Variants in TIA1 observed in about 807,000 individuals in gnomAD.
TIA1 encodes TIA1 cytotoxic granule associated RNA binding protein, also known as cytotoxic granule associated RNA binding protein TIA1.
In TIA1, 23 loss-of-function variants were observed where a neutral mutation model predicts 65.9. The ratio of observed to expected loss-of-function variants is 0.35; its 90% CI spans 0.25 to 0.49. The LOEUF is 0.49. TIA1 is among the 20% of genes least tolerant of loss of function. The pLI is 0.98. For synonymous variants in TIA1, 147 were observed against 149.4 expected (o/e 0.98, Z 0.12); for missense variants, 371 against 477.9 (o/e 0.78, Z 2.09).
Position 70,221,311 on chromosome 2 carries a change from T to A in TIA1, c.474+3243A>T, listed in dbSNP as rs1018521678. Among the ~76,000 whole-genome samples the A allele has an allele frequency of 9.3e-5, 14 of 151,138 alleles. No individual in the cohort carries two copies. In the East Asian group the frequency reaches 2.0e-3, roughly 21 times the overall value. ...TGAGCCACCATGCCTGGCCTTTTTT[T>A]AAAAAAAAATTAGGTGGGCATGGTG... On this transcript the variant is annotated intron_variant, in intron 7 of 12. Coordinates refer to ENST00000433529, the MANE Select transcript of TIA1 (RefSeq NM_022173.4).
At chr2:70,223,028 C>G (rs1325085506) in intron 7 of TIA1, among the ~76,000 whole-genome samples, 1 of 152,216 alleles carries the variant, frequency 6.6e-6, no homozygotes, top group African/African-American at 2.4e-5. Flanking sequence ...AAGAGACATC[C>G]TTTGCTATTT....
intron 1 of TIA1, among the ~76,000 whole-genome samples, chr2:70,236,851 C>T (rs1689212606): frequency 6.6e-6 from 1 of 152,160 alleles, no homozygotes; most frequent in Admixed American, 6.5e-5. Context: ...TGGTCTCAAA[C>T]TCCTGGGTTC....
At chr2:70,236,782 A>G (rs1299028947) in intron 1 of TIA1, among the ~76,000 whole-genome samples, 1 of 151,998 alleles carries the variant, frequency 6.6e-6, no homozygotes, top group African/African-American at 2.4e-5. Context: ...GTGTGCCATC[A>G]TATCTGGCTA....
rs199977940 is a variant in TIA1 at position 70,245,914 on chromosome 2, A to ATTTTTT, written c.26+2485_26+2490dup. ...AATTCACTGCTTGAAATTCTACCAG[A>ATTTTTT]TTTTTTTTTTTTTTTTTTTTTTTTT... On this transcript the variant is annotated intron_variant, in intron 1 of 12. Transcript: ENST00000433529. 4.8e-5 allele frequency among the ~76,000 whole-genome samples: 6 copies of ATTTTTT among 124,760 alleles called. 1 individual carries two copies. Among genetic ancestry groups the ATTTTTT allele is most frequent in the Admixed American group, 3.8e-4 (4 of 10,644 alleles). 81.8% of individuals were successfully genotyped at this position (124,760 alleles called of 152,430 possible).
intron 10 of TIA1, among the ~76,000 whole-genome samples, chr2:70,215,928 G>GT (rs1678427669): frequency 6.6e-6 from 1 of 151,946 alleles, no homozygotes; most frequent in Non-Finnish European, 1.5e-5. Context: ...TTATATTTTT[G>GT]TATTTTTAGT....
intron 1 of TIA1, 52 bp downstream of exon 1, chr2:70,248,353 T>C: frequency 6.3e-7 from 1 of 1,585,846 alleles, no homozygotes; most frequent in Non-Finnish European, 8.5e-7. Context: ...GCCGAGGCCT[T>C]CCCTCCGGGA....
In TIA1 at chr2:70,236,191, A is replaced by G. The variant is rs751192854; in HGVS notation, c.27-16T>C. ...ACCGACGTATCTGAAACACAAAGAG[A>G]AACAATTTACCTTTTTTTTTTTTTG... On this transcript the variant is annotated splice_polypyrimidine_tract_variant and intron_variant, in intron 1 of 12. Transcript: ENST00000433529. The G allele has an allele frequency of 1.3e-6, 2 of 1,536,096 alleles. No homozygotes were observed. The highest frequency in any genetic ancestry group is 1.8e-6 in the Non-Finnish European group (2 of 1,119,810).
At chr2:70,230,535 C>T (rs1685772078) in intron 3 of TIA1, among the ~76,000 whole-genome samples, 1 of 151,530 alleles carries the variant, frequency 6.6e-6, no homozygotes, top group African/African-American at 2.4e-5. Context: ...TCCTGTAATC[C>T]CAGCTACTAG....
chr2:70,242,781 T>C (rs1573817122), intron 1 of TIA1, among the ~76,000 whole-genome samples: 1 of 152,010 alleles, frequency 6.6e-6, no homozygotes. Flanking sequence ...TCAGCAGCAT[T>C]TGTGAACTGG....
At chr2:70,230,939 A>C in intron 2 of TIA1, 85 bp from the exon 3 acceptor site, 1 of 970,284 alleles carries the variant, frequency 1.0e-6, no homozygotes. Flanking sequence ...ATCTTAAACC[A>C]AGTTTTATAC....
At chr2:70,224,255 T>C (rs1315344188) in intron 7 of TIA1, among the ~76,000 whole-genome samples, 1 of 152,216 alleles carries the variant, frequency 6.6e-6, no homozygotes, top group Non-Finnish European at 1.5e-5. Flanking sequence ...TAAACTACCA[T>C]GGGAATATAA....
At chr2:70,218,802 T>C (rs1454361221) in intron 7 of TIA1, among the ~76,000 whole-genome samples, 1 of 152,250 alleles carries the variant, frequency 6.6e-6, no homozygotes, top group Non-Finnish European at 1.5e-5. Context: ...AAAGATACTT[T>C]ATGAAACTTG....
chr2:70,214,607 G>A, intron 11 of TIA1, 113 bp from the exon 12 acceptor site: 5 of 563,992 alleles, frequency 8.9e-6, no homozygotes, highest in South Asian at 6.3e-5. Context: ...CAATTAAAAT[G>A]ACAGGATAAA....
At chr2:70,245,508 T>C (rs1004316203) in intron 1 of TIA1, among the ~76,000 whole-genome samples, 1 of 152,210 alleles carries the variant, frequency 6.6e-6, no homozygotes, top group African/African-American at 2.4e-5. Context: ...AGTTCACAAG[T>C]TGAATATTTT....
rs151236999 is a variant in TIA1 at position 70,221,935 on chromosome 2, G to A, written c.474+2619C>T. 2.2e-3 allele frequency among the ~76,000 whole-genome samples: 342 copies of A among 152,068 alleles called. 2 individuals are homozygous for A. The highest frequency in any genetic ancestry group is 7.8e-3 in the African/African-American group (322 of 41,476). On this transcript the variant is annotated intron_variant, in intron 7 of 12. Coordinates refer to ENST00000433529, the MANE Select transcript of TIA1 (RefSeq NM_022173.4). ...CTCAAGTAACTGGGACTACAGGTGTGTGCCACCATGCCTGGCTCATTTTTT... is the reference window on the plus strand; with the variant it reads ...CTCAAGTAACTGGGACTACAGGTGTATGCCACCATGCCTGGCTCATTTTTT...
At position 70,215,500 on chromosome 2, in the gene TIA1, G is replaced by GA. The variant is rs1678174791; in HGVS notation, c.765-7dup. Reference sequence around the variant, plus strand: ...CACTTTCATGGGAATTGAACCTATTGAAAACAATATTAAGAATCACCAATA... The same window carrying GA: ...CACTTTCATGGGAATTGAACCTATTGAAAAACAATATTAAGAATCACCAATA... On this transcript the variant is annotated splice_region_variant and splice_polypyrimidine_tract_variant and intron_variant, in intron 10 of 12. Transcript: ENST00000433529. 1.2e-6 allele frequency: 2 copies of GA among 1,604,386 alleles called. No individual in the cohort carries two copies. Among genetic ancestry groups the GA allele is most frequent in the East Asian group, 4.5e-5 (2 of 44,750 alleles).
At position 70,236,158 on chromosome 2, in the gene TIA1, G is replaced by A; in HGVS notation, c.44C>T (p.Ser15Phe). Reference sequence around the variant, plus strand: ...AATTAGAGCTTCTGTCACATCTCTGGAAAGGTTACCGACGTATCTGAAACA... The same window carrying A: ...AATTAGAGCTTCTGTCACATCTCTGAAAAGGTTACCGACGTATCTGAAACA... ...MPKTLYVGNL[S>F]RDVTEALILQ... is the part of the protein sequence containing the mutation. Residue 15 changes from serine to phenylalanine, a missense_variant, in exon 2 of 13, where the codon TCC (serine) becomes TTC (phenylalanine). Ser to Phe is a radical substitution (Grantham distance 155). Transcript: ENST00000433529. 6.2e-7 allele frequency: 1 copy of A among 1,610,572 alleles called. No homozygotes were observed. The highest frequency in any genetic ancestry group is 8.5e-7 in the Non-Finnish European group (1 of 1,177,938).
intron 1 of TIA1, among the ~76,000 whole-genome samples, chr2:70,247,858 C>CT (rs1339109925): frequency 1.1e-4 from 16 of 151,790 alleles, no homozygotes; most frequent in Non-Finnish European, 1.6e-4. Flanking sequence ...AAATGCTTGG[C>CT]TTTTTTCCAA....
chr2:70,248,177 G>C (rs993355712), intron 1 of TIA1, among the ~76,000 whole-genome samples: 1 of 152,202 alleles, frequency 6.6e-6, no homozygotes, highest in Non-Finnish European at 1.5e-5. Context: ...GTCATGCAAT[G>C]GTGTTGCTAA....
Sources: allele counts gnomAD v4.1 joint callset (sites outside exome capture counted in the v4.1 genomes callset), GRCh38; gene constraint gnomAD v4.1.1; transcripts MANE v1.5; gene names NCBI Gene and HGNC (gene_info 2026-07-23, HGNC 2026-07-21).